GALNT7: variants seen among roughly 807,000 people sequenced by gnomAD.
The protein encoded by GALNT7 is polypeptide N-acetylgalactosaminyltransferase 7.
A neutral mutation model predicts 82.1 loss-of-function variants in GALNT7; 60 were observed. That is an observed-to-expected ratio of 0.73 (90% CI 0.59 to 0.91). The LOEUF (loss-of-function observed/expected upper bound fraction) is 0.91, where lower values mean the gene tolerates loss of function less well. GALNT7 is among the 40% of genes least tolerant of loss of function. GALNT7 has a pLI of 0.00. For missense variants in GALNT7, 660 were observed against 804.2 expected (o/e 0.82, Z 2.17); for synonymous variants, 243 against 275.1 (o/e 0.88, Z 1.15).
intron 1 of GALNT7, among the ~76,000 whole-genome samples, chr4:173,200,145 C>T (rs547055863): frequency 6.6e-6 from 1 of 152,168 alleles, no homozygotes; most frequent in South Asian, 2.1e-4. Flanking sequence ...TGGAAGAAGC[C>T]ATTTAGCTAA....
intron 2 of GALNT7, among the ~76,000 whole-genome samples, chr4:173,272,970 T>C (rs1735782682): frequency 6.6e-6 from 1 of 152,234 alleles, no homozygotes; most frequent in Non-Finnish European, 1.5e-5. Flanking sequence ...TGTTTAAGAC[T>C]TCTGTAAGTA....
intron 2 of GALNT7, among the ~76,000 whole-genome samples, chr4:173,254,739 A>G (rs368793592): frequency 1.1e-4 from 16 of 152,218 alleles, no homozygotes; most frequent in East Asian, 7.7e-4. Context: ...TGCCCAAAAC[A>G]TATTTTATTT....
Position 173,323,576 on chromosome 4 carries a change from A to C in GALNT7, c.*1859A>C, listed in dbSNP as rs947115654. On this transcript the variant is annotated 3_prime_UTR_variant, in exon 12 of 12. Transcript: ENST00000265000. ...TTATTAACTATGCATAGGCCTAAGA[A>C]AGGTGGCAATGAACTGTGCATGTAA... 2 of 152,596 alleles carry C rather than the reference A, an allele frequency of 1.3e-5. No homozygotes were observed. The highest frequency in any genetic ancestry group is 4.8e-5 in the African/African-American group (2 of 41,464). The allele number at this position is 152,596 out of a possible 1,614,324, so 9.5% of individuals were successfully genotyped here. A position where few individuals can be genotyped will look rare whatever the true frequency, so the allele number is the denominator to read the frequency against.
At chr4:173,294,391 GT>G (rs542010880) in intron 3 of GALNT7, among the ~76,000 whole-genome samples, 156 of 151,230 alleles carry the variant, frequency 1.0e-3, no homozygotes, top group African/African-American at 3.5e-3. Flanking sequence ...AAAATAGAAA[GT>G]TTTTTTTCTC....
chr4:173,220,923 C>G (rs2126688660), intron 1 of GALNT7, among the ~76,000 whole-genome samples: 1 of 151,940 alleles, frequency 6.6e-6, no homozygotes, highest in East Asian at 1.9e-4. Context: ...TGGGTTGGTT[C>G]CAAGTCTTTG....
chr4:173,263,364 G>A (rs1249101424), intron 2 of GALNT7, among the ~76,000 whole-genome samples: 2 of 152,174 alleles, frequency 1.3e-5, no homozygotes, highest in Non-Finnish European at 2.9e-5. Context: ...CAGAGATTCT[G>A]TGCTTAGTGA....
chr4:173,208,518 A>C (rs1253704922), intron 1 of GALNT7, among the ~76,000 whole-genome samples: 4 of 152,084 alleles, frequency 2.6e-5, no homozygotes, highest in Non-Finnish European at 5.9e-5. Flanking sequence ...TAGCACCTTT[A>C]TCCCTTCTTA....
intron 1 of GALNT7, among the ~76,000 whole-genome samples, chr4:173,181,756 G>T (rs1160170987): frequency 6.6e-6 from 1 of 152,212 alleles, no homozygotes; most frequent in Non-Finnish European, 1.5e-5. Flanking sequence ...GGAACTGCCG[G>T]TATCATCCAA....
chr4:173,282,327 A>G (rs1736143530), intron 2 of GALNT7: 1 of 152,130 alleles, frequency 6.6e-6, no homozygotes, highest in African/African-American at 2.4e-5. Flanking sequence ...TTTTCCTGGG[A>G]GCTTGCTAAT....
At chr4:173,300,623 C>T (rs569333151) in intron 6 of GALNT7, among the ~76,000 whole-genome samples, 6 of 151,678 alleles carry the variant, frequency 4.0e-5, no homozygotes, top group African/African-American at 7.3e-5. Flanking sequence ...AAGGACTCAA[C>T]GGGAAGAGAG....
Position 173,168,961 on chromosome 4 carries a change from G to T in GALNT7, c.126G>T (p.Arg42Ser). 2.5e-6 allele frequency: 4 copies of T among 1,613,006 alleles called. No homozygotes were observed. Among genetic ancestry groups the T allele is most frequent in the Non-Finnish European group, 2.5e-6 (3 of 1,179,508 alleles). The change falls in exon 1 of 12, where the codon AGG becomes AGT. Residue 42 changes from arginine (R) to serine (S), a missense_variant and splice_region_variant. Physicochemically the swap from Arg to Ser is moderately radical, Grantham distance 110. Around this residue, in one of 2 missense-constraint regions of GALNT7, gnomAD observed 133 missense variants for 120.7 expected, o/e 1.10. Transcript: ENST00000265000. ...ACCCAAGCCCGCTGAGCAGGATGAG[G>T]GTGAGTGACCCGCCCGGCCCCCTCC... is the stretch of plus-strand genomic sequence containing the variant. Reference protein sequence around the residue: ...PDDPSPLSRMREDRDVNDPMP... With the variant: ...PDDPSPLSRMSEDRDVNDPMP...
rs187175929 is a variant in GALNT7, at chr4:173,208,051, G to C, written c.126+39090G>C. ...TTTTTTACCATTGATGTGTTTATGTGTTCCTATTGATTTGTAAGAGTTCTC... is the reference window on the plus strand; with the variant it reads ...TTTTTTACCATTGATGTGTTTATGTCTTCCTATTGATTTGTAAGAGTTCTC... On this transcript the variant is annotated intron_variant, in intron 1 of 11. Coordinates refer to ENST00000265000, the MANE Select transcript of GALNT7 (RefSeq NM_017423.3). 1.4e-3 allele frequency among the ~76,000 whole-genome samples: 217 copies of C among 152,110 alleles called. 1 individual carries two copies. Among genetic ancestry groups the C allele is most frequent in the African/African-American group, 5.0e-3 (207 of 41,506 alleles).
intron 1 of GALNT7, among the ~76,000 whole-genome samples, chr4:173,181,068 A>G (rs1431442738): frequency 1.3e-5 from 2 of 152,226 alleles, no homozygotes; most frequent in Non-Finnish European, 2.9e-5. Flanking sequence ...CAATTATGGT[A>G]CAGAATAAAT....
chr4:173,304,143 G>A (rs1737058335), intron 8 of GALNT7, 25 bp downstream of exon 8: 2 of 1,603,726 alleles, frequency 1.2e-6, no homozygotes, highest in African/African-American at 1.3e-5. Context: ...TAAAAGGGGA[G>A]GACAGGGAAC....
Position 173,304,061 on chromosome 4 carries a change from T to G in GALNT7, c.1332T>G (p.Leu444=). 1 of 1,613,218 alleles carries G rather than the reference T, an allele frequency of 6.2e-7. No individual in the cohort carries two copies. The highest frequency in any genetic ancestry group is 1.1e-5 in the South Asian group (1 of 91,038). ...PCSRVGHIYR[L]EGWQGNPPPI... ...CTCGTGTTGGACATATCTACCGTCTTGAGGGCTGGCAAGGAAATCCTCCGC... is the reference window on the plus strand; with the variant it reads ...CTCGTGTTGGACATATCTACCGTCTGGAGGGCTGGCAAGGAAATCCTCCGC... Residue 444 remains leucine (L), a synonymous_variant, in exon 8 of 12, where the codon CTT becomes CTG. Transcript: ENST00000265000.
intron 5 of GALNT7, chr4:173,297,878 G>A: frequency 6.6e-7 from 1 of 1,508,236 alleles, no homozygotes; most frequent in Non-Finnish European, 8.8e-7. Context: ...GATGAAGATG[G>A]TTTTGCCAGA....
At chr4:173,224,430 A>T (rs965190309) in intron 1 of GALNT7, among the ~76,000 whole-genome samples, 2 of 152,152 alleles carry the variant, frequency 1.3e-5, no homozygotes, top group African/African-American at 4.8e-5. Flanking sequence ...GTATGTATAA[A>T]TCAAGCTCTA....
At chr4:173,295,037 A>G (rs949458187) in intron 3 of GALNT7, among the ~76,000 whole-genome samples, 2 of 152,206 alleles carry the variant, frequency 1.3e-5, no homozygotes, top group African/African-American at 4.8e-5. Context: ...AGAAACCCTA[A>G]CCATTGCTTC....
intron 1 of GALNT7, among the ~76,000 whole-genome samples, chr4:173,174,903 G>C (rs1296158738): frequency 6.6e-6 from 1 of 152,198 alleles, no homozygotes; most frequent in African/African-American, 2.4e-5. Context: ...GGTTGCATGG[G>C]ATGGGAGATA....
Sources: allele counts gnomAD v4.1 joint callset (sites outside exome capture counted in the v4.1 genomes callset), GRCh38; gene constraint gnomAD v4.1.1; regional missense constraint gnomAD v4.1.1; transcripts MANE v1.5; gene names NCBI Gene and HGNC (gene_info 2026-07-23, HGNC 2026-07-21).